Variants in OR2C1 observed in about 807,000 individuals in gnomAD.
OR2C1 encodes olfactory receptor family 2 subfamily C member 1.
For synonymous variants in OR2C1, 209 were observed against 167.3 expected (o/e 1.25, Z -1.92); for missense variants, 468 against 388.3 (o/e 1.21, Z -1.73).
chr16:3,327,697 T>C, the OR2C1 span, among the ~76,000 whole-genome samples: 2 of 151,864 alleles, frequency 1.3e-5, no homozygotes, highest in African/African-American at 4.8e-5. Context: ...TCAGAGTGCT[T>C]CATTCATTAA....
At chr16:3,323,249 C>T in the OR2C1 span, 1 of 788,208 alleles carries the variant, frequency 1.3e-6, no homozygotes. Flanking sequence ...TGCCCATCTC[C>T]TTGAGGAAGC....
At chr16:3,337,060 G>GCCT in the OR2C1 span, among the ~76,000 whole-genome samples, 6 of 151,876 alleles carry the variant, frequency 4.0e-5, no homozygotes, top group African/African-American at 1.5e-4. Flanking sequence ...TCTCCATGTT[G>GCCT]GTCAGGCTGG....
At chr16:3,337,491 C>G in the OR2C1 span, among the ~76,000 whole-genome samples, 5 of 151,978 alleles carry the variant, frequency 3.3e-5, no homozygotes, top group South Asian at 6.2e-4. Flanking sequence ...TTTAAAATAG[C>G]CTGTCTCTCC....
At position 3,356,718 on chromosome 16, in the gene OR2C1, C is replaced by G; in HGVS notation, c.778C>G (p.Leu260Val). The G allele has an allele frequency of 3.1e-6, 5 of 1,614,194 alleles. No individual in the cohort carries two copies. Among genetic ancestry groups the G allele is most frequent in the Middle Eastern group, 1.6e-4 (1 of 6,062 alleles). The change falls in exon 1 of 1, where the codon CTG (leucine) becomes GTG (valine). Residue 260 changes from leucine (L) to valine (V), a missense_variant. By Grantham distance (32) the Leu-to-Val change is conservative. Transcript: ENST00000304936. Reference sequence around the variant, plus strand: ...CTATGGCTCAGCCAGCTATGGGTATCTGCTTCCGGCCAAGAACAGCAAACA... The same window carrying G: ...CTATGGCTCAGCCAGCTATGGGTATGTGCTTCCGGCCAAGAACAGCAAACA... ...LFYGSASYGY[L>V]LPAKNSKQDQ... is the part of the protein sequence containing the mutation.
the OR2C1 span, among the ~76,000 whole-genome samples, chr16:3,332,515 C>A: frequency 2.6e-5 from 4 of 152,034 alleles, no homozygotes; most frequent in Non-Finnish European, 5.9e-5. Context: ...ATCCTCCCCC[C>A]CACTACCCTT....
chr16:3,353,687 G>C (rs1024989108), upstream of OR2C1, among the ~76,000 whole-genome samples: 15 of 151,780 alleles, frequency 9.9e-5, no homozygotes, highest in African/African-American at 3.6e-4. Context: ...TGTAATCCCA[G>C]CTACTTGGTT....
At chr16:3,347,246 C>CA in the OR2C1 span, among the ~76,000 whole-genome samples, 11,632 of 64,400 alleles carry the variant, frequency 0.18, 1,519 homozygotes, top group Middle Eastern at 0.4. Context: ...GACTCTGTCT[C>CA]AAAAAAAAAA....
At chr16:3,328,776 G>A in the OR2C1 span, among the ~76,000 whole-genome samples, 4 of 152,140 alleles carry the variant, frequency 2.6e-5, no homozygotes, top group Non-Finnish European at 5.9e-5. Flanking sequence ...AAACAGGGTT[G>A]ACAAATAGGA....
chr16:3,338,744 G>A, the OR2C1 span, among the ~76,000 whole-genome samples: 1 of 151,966 alleles, frequency 6.6e-6, no homozygotes, highest in Non-Finnish European at 1.5e-5. Flanking sequence ...TCACGTGTTA[G>A]CCAGGATGGT....
chr16:3,354,173 C>T (rs180963420), upstream of OR2C1, among the ~76,000 whole-genome samples: 5 of 151,946 alleles, frequency 3.3e-5, no homozygotes, highest in Admixed American at 1.3e-4. Context: ...TTAGTAGAGA[C>T]GGGGTTTCAC....
At chr16:3,327,381 GGGAACAGT>G in the OR2C1 span, among the ~76,000 whole-genome samples, 1 of 151,936 alleles carries the variant, frequency 6.6e-6, no homozygotes, top group South Asian at 2.1e-4. Flanking sequence ...ACCATCTTTG[GGGAACAGT>G]TCCTACTCAG....
chr16:3,327,091 A>G, the OR2C1 span, among the ~76,000 whole-genome samples: 2 of 152,164 alleles, frequency 1.3e-5, no homozygotes, highest in East Asian at 1.9e-4. Flanking sequence ...GAAATGGACA[A>G]TCCTTTTATA....
chr16:3,337,685 G>C, the OR2C1 span, among the ~76,000 whole-genome samples: 1 of 151,882 alleles, frequency 6.6e-6, no homozygotes, highest in Non-Finnish European at 1.5e-5. Context: ...AGTTTCCTTA[G>C]AAATGCTATT....
At chr16:3,355,801 G>C (rs919264574), upstream of OR2C1, 8 of 639,304 alleles carry the variant, frequency 1.3e-5, no homozygotes, top group Non-Finnish European at 2.1e-5. Context: ...ACAAAAAATA[G>C]GTTGTTACTT....
At chr16:3,348,917 T>A in the OR2C1 span, among the ~76,000 whole-genome samples, 2 of 152,100 alleles carry the variant, frequency 1.3e-5, no homozygotes, top group African/African-American at 4.8e-5. Context: ...TCCCCCTCTC[T>A]GCCCTTGCCC....
At chr16:3,335,312 A>G in the OR2C1 span, among the ~76,000 whole-genome samples, 1 of 152,158 alleles carries the variant, frequency 6.6e-6, no homozygotes, top group African/African-American at 2.4e-5. Flanking sequence ...ATACATGAGT[A>G]TGGAATATGT....
At chr16:3,354,516 T>C (rs1006657254), upstream of OR2C1, among the ~76,000 whole-genome samples, 1 of 152,210 alleles carries the variant, frequency 6.6e-6, no homozygotes, top group Non-Finnish European at 1.5e-5. Flanking sequence ...TCCTCTTAAA[T>C]TGTACATTCC....
the OR2C1 span, chr16:3,323,192 C>A: frequency 1.4e-6 from 1 of 691,206 alleles, no homozygotes. Flanking sequence ...GGGTCTAGTT[C>A]AGCTGGCAGA....
the OR2C1 span, among the ~76,000 whole-genome samples, chr16:3,339,472 T>G: frequency 6.6e-6 from 1 of 152,168 alleles, no homozygotes; most frequent in Non-Finnish European, 1.5e-5. Context: ...ACTTTTTGTT[T>G]TTGAGATGGA....
Sources: gnomAD v4.1 joint callset for allele counts (sites outside exome capture counted in the v4.1 genomes callset) on GRCh38, gnomAD v4.1.1 for gene constraint, MANE v1.5 for transcripts, NCBI Gene and HGNC (gene_info 2026-07-23, HGNC 2026-07-21) for gene names.